The following FAT3 variants were observed in gnomAD, a reference collection of about 807,000 sequenced individuals.
The protein encoded by FAT3 is protocadherin Fat 3.
FAT3 carries 95 observed loss-of-function variants against 310.2 expected under a neutral mutation model. That is an observed-to-expected ratio of 0.31 (90% confidence interval 0.26 to 0.36). The LOEUF is 0.36. Ranked by LOEUF, FAT3 falls within the 10% of genes least tolerant of loss-of-function variation. The probability of loss-of-function intolerance (pLI) is 1.00; values close to 1 mark genes in which losing one functional copy is unlikely to be tolerated. For synonymous variants in FAT3, 2,314 were observed against 2,192.9 expected (o/e 1.06, Z -1.54); for missense variants, 5,408 against 5,715.6 (o/e 0.95, Z 1.74).
intron 22 of FAT3, among the ~76,000 whole-genome samples, chr11:92,878,378 T>G (rs1949583263): frequency 6.6e-6 from 1 of 151,802 alleles, no homozygotes; most frequent in Non-Finnish European, 1.5e-5. Context: ...AATAAATAAA[T>G]AAATTGATAA....
chr11:92,559,782 G>C (rs1241293132), intron 3 of FAT3, among the ~76,000 whole-genome samples: 1 of 152,146 alleles, frequency 6.6e-6, no homozygotes, highest in African/African-American at 2.4e-5. Context: ...AGGATCATTT[G>C]TGTTGTGTGT....
intron 2 of FAT3, among the ~76,000 whole-genome samples, chr11:92,446,359 G>C (rs1457718701): frequency 6.6e-6 from 1 of 152,116 alleles, no homozygotes; most frequent in African/African-American, 2.4e-5. Flanking sequence ...TCCTGGACTG[G>C]CATGAAGGAA....
At chr11:92,886,176 G>A (rs1175450636) in intron 24 of FAT3, among the ~76,000 whole-genome samples, 1 of 152,102 alleles carries the variant, frequency 6.6e-6, no homozygotes, top group Admixed American at 6.6e-5. Context: ...GTATTGTTGG[G>A]TTGTATTGAA....
intron 1 of FAT3, among the ~76,000 whole-genome samples, chr11:92,274,072 A>G (rs2134343943): frequency 6.6e-6 from 1 of 152,262 alleles, no homozygotes; most frequent in East Asian, 1.9e-4. Context: ...TTATTAAAAA[A>G]TTAAGTCCTA....
At chr11:92,647,037 C>A (rs1942192876) in intron 3 of FAT3, among the ~76,000 whole-genome samples, 1 of 152,076 alleles carries the variant, frequency 6.6e-6, no homozygotes, top group Non-Finnish European at 1.5e-5. Flanking sequence ...TTCCTATTTT[C>A]TTTTACCCAT....
rs11020022 is a variant in FAT3 at position 92,604,436 on chromosome 11, T to C, written c.3607+79488T>C. Among the ~76,000 whole-genome samples the C allele has an allele frequency of 9.6e-3, 1,467 of 152,312 alleles. 30 individuals carry two copies. Among genetic ancestry groups the C allele is most frequent in the East Asian group, 0.077 (400 of 5,166 alleles). ...TAAATGACACAAGGATTATCTTTTCTGCAGGTGATTAGTTGATAATCCTCC... is the reference window on the plus strand; with the variant it reads ...TAAATGACACAAGGATTATCTTTTCCGCAGGTGATTAGTTGATAATCCTCC... On this transcript the variant is annotated intron_variant, in intron 3 of 27. Coordinates refer to ENST00000525166, the MANE Select transcript of FAT3 (RefSeq NM_001367949.2).
At chr11:92,657,443 C>T (rs473596) in intron 3 of FAT3, among the ~76,000 whole-genome samples, 73,197 of 152,048 alleles carry the variant, frequency 0.48, 17,847 homozygotes, top group African/African-American at 0.49. Context: ...GTAGTGGGCA[C>T]AGCCCCGGAC....
intron 1 of FAT3, among the ~76,000 whole-genome samples, chr11:92,323,562 C>T (rs1055537628): frequency 9.3e-5 from 14 of 150,066 alleles, no homozygotes; most frequent in African/African-American, 3.4e-4. Flanking sequence ...ACAGTTAATA[C>T]TTTTAAGGGA....
chr11:92,442,433 G>A (rs940103943), intron 2 of FAT3, among the ~76,000 whole-genome samples: 1 of 150,730 alleles, frequency 6.6e-6, no homozygotes, highest in Admixed American at 6.6e-5. Flanking sequence ...TTTGAGCATG[G>A]TATTCAGATT....
Position 92,535,413 on chromosome 11 carries a change from T to C in FAT3, c.3607+10465T>C, listed in dbSNP as rs187363551. 1.9e-3 allele frequency among the ~76,000 whole-genome samples: 296 copies of C among 152,324 alleles called. 3 individuals carry two copies. The highest frequency in any genetic ancestry group is 6.9e-3 in the African/African-American group (285 of 41,568). On this transcript the variant is annotated intron_variant, in intron 3 of 27. Transcript: ENST00000525166. ...ACTCTATGAGAATAAATATCTGTTC[T>C]TTTAAGCTACCCAGTTTGTGGTGCT... is the stretch of plus-strand genomic sequence containing the variant.
Position 92,801,547 on chromosome 11 carries a change from C to T in FAT3, c.8534C>T (p.Ala2845Val), listed in dbSNP as rs375565776. Residue 2845 changes from alanine to valine, a missense_variant, in exon 10 of 28, where the codon GCC becomes GTC. Ala to Val is a moderately conservative substitution (Grantham distance 64). Around this residue, in one of 5 missense-constraint regions of FAT3, gnomAD observed 4,588 missense variants for 4,809.8 expected, o/e 0.95. Coordinates refer to ENST00000525166, the MANE Select transcript of FAT3 (RefSeq NM_001367949.2). Reference protein sequence around the residue: ...QVRAIDMDWGANGQVTYSLHS... With the variant: ...QVRAIDMDWGVNGQVTYSLHS... Reference sequence around the variant, plus strand: ...AGAGCTATTGATATGGACTGGGGAGCCAATGGACAAGTCACTTACTCCCTC... The same window carrying T: ...AGAGCTATTGATATGGACTGGGGAGTCAATGGACAAGTCACTTACTCCCTC... The T allele has an allele frequency of 6.2e-7, 1 of 1,607,588 alleles. No homozygotes were observed. The highest frequency in any genetic ancestry group is 8.5e-7 in the Non-Finnish European group (1 of 1,176,792).
At chr11:92,767,221 C>T (rs1946335939) in intron 6 of FAT3, among the ~76,000 whole-genome samples, 1 of 146,054 alleles carries the variant, frequency 6.8e-6, no homozygotes, top group Admixed American at 7.0e-5. Flanking sequence ...TGTACTCCAG[C>T]AGCCTGGGCA....
chr11:92,668,037 C>T (rs896966516), intron 3 of FAT3, among the ~76,000 whole-genome samples: 2 of 152,216 alleles, frequency 1.3e-5, no homozygotes, highest in Non-Finnish European at 2.9e-5. Flanking sequence ...ATCATCAGAG[C>T]AGCATGAAAG....
chr11:92,505,200 C>T (rs1047547108), intron 2 of FAT3, among the ~76,000 whole-genome samples: 27 of 152,068 alleles, frequency 1.8e-4, no homozygotes, highest in Non-Finnish European at 3.1e-4. Context: ...CTGCTACCTC[C>T]GTTGAACCAA....
chr11:92,885,843 T>G (rs1005338615), intron 24 of FAT3, among the ~76,000 whole-genome samples: 2 of 152,178 alleles, frequency 1.3e-5, no homozygotes, highest in African/African-American at 2.4e-5. Flanking sequence ...TTCTGCAACA[T>G]GGCTGTTAGG....
At chr11:92,719,846 C>T (rs966173531) in intron 4 of FAT3, among the ~76,000 whole-genome samples, 3 of 151,924 alleles carry the variant, frequency 2.0e-5, no homozygotes, top group Non-Finnish European at 2.9e-5. Context: ...TGGATGCTTG[C>T]ACACTGGAAA....
At chr11:92,546,115 G>GTTTTGCAACA (rs1260070810) in intron 3 of FAT3, among the ~76,000 whole-genome samples, 9 of 152,250 alleles carry the variant, frequency 5.9e-5, no homozygotes, top group Non-Finnish European at 1.3e-4. Context: ...CTGCTGTAAT[G>GTTTTGCAACA]TTTTGCAACA....
intron 2 of FAT3, among the ~76,000 whole-genome samples, chr11:92,488,373 A>G (rs1023577383): frequency 4.6e-5 from 7 of 150,788 alleles, no homozygotes; most frequent in Admixed American, 4.6e-4. Context: ...CATGGGAACT[A>G]TGAAATGATA....
intron 3 of FAT3, among the ~76,000 whole-genome samples, chr11:92,650,078 T>C (rs1274563125): frequency 1.3e-5 from 2 of 151,146 alleles, no homozygotes; most frequent in East Asian, 2.0e-4. Context: ...ATTAGAGAAC[T>C]GATGAATAGG....
Sources: gnomAD v4.1 joint callset for allele counts (sites outside exome capture counted in the v4.1 genomes callset) on GRCh38, gnomAD v4.1.1 for gene constraint, gnomAD v4.1.1 regional missense constraint, MANE v1.5 for transcripts, NCBI Gene and HGNC (gene_info 2026-07-23, HGNC 2026-07-21) for gene names.